Variants in ADGRL3 observed in about 807,000 individuals in gnomAD.
The protein encoded by ADGRL3 is adhesion G protein-coupled receptor L3, also known as calcium-independent alpha-latrotoxin receptor 3.
Under a neutral mutation model 153.5 loss-of-function variants are expected in ADGRL3, and 62 were observed. The observed-to-expected ratio is 0.40, with a 90% confidence interval of 0.33 to 0.50. The LOEUF is 0.50. Ranked by LOEUF, ADGRL3 falls within the 20% of genes least tolerant of loss-of-function variation. The probability of loss-of-function intolerance (pLI) is 0.47; values close to 1 mark genes in which losing one functional copy is unlikely to be tolerated. For synonymous variants in ADGRL3, 710 were observed against 672.5 expected, an observed-to-expected ratio of 1.06 and a Z score of -0.86; for missense variants, 1,641 against 1,859.4, an observed-to-expected ratio of 0.88 and a Z score of 2.16.
At position 61,409,404 on chromosome 4, in the gene ADGRL3, A is replaced by AATAT. The variant is rs10573056; in HGVS notation, c.-174+26228_-174+26231dup. 6.5e-3 allele frequency among the ~76,000 whole-genome samples: 892 copies of AATAT among 137,822 alleles called. 6 individuals are homozygous for AATAT. Among genetic ancestry groups the AATAT allele is most frequent in the Middle Eastern group, 0.024 (6 of 250 alleles). 90.4% of individuals were successfully genotyped at this position (137,822 alleles called of 152,430 possible). A position where few individuals can be genotyped will look rare whatever the true frequency, so the allele number is the denominator to read the frequency against. On this transcript the variant is annotated intron_variant, in intron 2 of 26. Transcript: ENST00000683033. ...TATTATATATATATTAGACATACATAATATATATATATATATTATATATAT... is the reference window on the plus strand; with the variant it reads ...TATTATATATATATTAGACATACATAATATATATATATATATATATTATATATAT...
chr4:61,254,747 A>G (rs1037978689), intron 1 of ADGRL3, among the ~76,000 whole-genome samples: 1 of 152,186 alleles, frequency 6.6e-6, no homozygotes, highest in African/African-American at 2.4e-5. Context: ...TCCTAAATTA[A>G]CATCAGGTTG....
chr4:61,712,967 G>T (rs1161839207), intron 6 of ADGRL3, among the ~76,000 whole-genome samples: 1 of 152,136 alleles, frequency 6.6e-6, no homozygotes, highest in Non-Finnish European at 1.5e-5. Context: ...AAACATGGGG[G>T]TATGAGTGGC....
intron 2 of ADGRL3, among the ~76,000 whole-genome samples, chr4:61,412,418 C>A (rs1423005059): frequency 1.3e-5 from 2 of 152,164 alleles, no homozygotes; most frequent in Non-Finnish European, 2.9e-5. Flanking sequence ...ACAGATACTA[C>A]AGTTTCAATT....
At chr4:61,228,531 G>A (rs1381827491) in intron 1 of ADGRL3, among the ~76,000 whole-genome samples, 1 of 152,122 alleles carries the variant, frequency 6.6e-6, no homozygotes, top group Non-Finnish European at 1.5e-5. Flanking sequence ...AGTAGGAAGT[G>A]CTAAAATGTA....
Position 61,676,340 on chromosome 4 carries a change from T to A in ADGRL3, c.474-486T>A, listed in dbSNP as rs184455412. On this transcript the variant is annotated intron_variant, in intron 5 of 26. Coordinates refer to ENST00000683033, the MANE Select transcript of ADGRL3 (RefSeq NM_001387552.1). ...CATTTAAATATTAACTTTTTACTAA[T>A]TTGTTAGGCTCAGATAAAGCTTTTC... Among the ~76,000 whole-genome samples, 7 of 152,120 alleles carry A rather than the reference T, an allele frequency of 4.6e-5. No homozygotes were observed. The East Asian group carries it at 1.2e-3, about 25-fold the overall frequency.
intron 8 of ADGRL3, among the ~76,000 whole-genome samples, chr4:61,786,156 C>T (rs954713102): frequency 1.3e-5 from 2 of 152,212 alleles, no homozygotes; most frequent in African/African-American, 4.8e-5. Flanking sequence ...ATACATTCTA[C>T]ATTCATGCTA....
chr4:61,753,038 C>G (rs1270175634), intron 8 of ADGRL3, among the ~76,000 whole-genome samples: 2 of 151,936 alleles, frequency 1.3e-5, no homozygotes, highest in Admixed American at 1.3e-4. Flanking sequence ...GTTTTACAGT[C>G]CAAAAACTGA....
In ADGRL3 at chr4:61,645,675, C is replaced by T. The variant is rs1218872872; in HGVS notation, c.474-31151C>T. On this transcript the variant is annotated intron_variant, in intron 5 of 26. Transcript: ENST00000683033. ...GATCCACTGTTAGTCTGATGGGCTT[C>T]CCTTTGAGGGTAACCCGACCTTTCT... Among the ~76,000 whole-genome samples, 10 of 152,032 alleles carry T rather than the reference C, an allele frequency of 6.6e-5. 1 individual carries two copies. Among genetic ancestry groups the T allele is most frequent in the African/African-American group, 2.2e-4 (9 of 41,386 alleles).
At chr4:61,987,120 TTTTATTTTATTTTATTTTATTTTATTTTA>T (rs1461569803) in intron 19 of ADGRL3, among the ~76,000 whole-genome samples, 4 of 141,636 alleles carry the variant, frequency 2.8e-5, no homozygotes, top group Non-Finnish European at 6.0e-5. Context: ...TTTTATTTTA[TTTTATTTTATTTTATTTTATTTTATTTTA>T]TTTATTTTAT....
chr4:61,862,466 A>G (rs1378169471), intron 9 of ADGRL3, among the ~76,000 whole-genome samples: 1 of 152,124 alleles, frequency 6.6e-6, no homozygotes, highest in Non-Finnish European at 1.5e-5. Context: ...AGTTCAGGAG[A>G]GAAGGAGATG....
At chr4:61,473,416 TC>T (rs2097995052) in intron 2 of ADGRL3, among the ~76,000 whole-genome samples, 2 of 152,072 alleles carry the variant, frequency 1.3e-5, no homozygotes, top group African/African-American at 4.8e-5. Flanking sequence ...AAGCAGTTTT[TC>T]CTTCAGTTAT....
chr4:61,455,475 T>A (rs756285594), intron 2 of ADGRL3, among the ~76,000 whole-genome samples: 13 of 152,230 alleles, frequency 8.5e-5, no homozygotes, highest in Non-Finnish European at 1.3e-4. Flanking sequence ...TCAAGAAGTT[T>A]CCTCAGAATT....
rs1270521085 is a variant in ADGRL3 at position 61,936,177 on chromosome 4, C to CCTCCTCTTCCTCCTCTTTCTA, written c.2419+135_2419+155dup. 8 of 860,034 alleles carry CCTCCTCTTCCTCCTCTTTCTA rather than the reference C, an allele frequency of 9.3e-6. No individual in the cohort carries two copies. The African/African-American group carries it at 1.2e-4, about 13-fold the overall frequency. 53.3% of individuals were successfully genotyped at this position (860,034 alleles called of 1,614,324 possible). A position where few individuals can be genotyped will look rare whatever the true frequency, so the allele number is the denominator to read the frequency against. ...CCTCTTCCTACACTATTCTCTTTCT[C>CCTCCTCTTCCTCCTCTTTCTA]CTCCTCTTCCTCCTCTTTCTACTGT... On this transcript the variant is annotated intron_variant, in intron 15 of 26. Transcript: ENST00000683033.
chr4:62,015,520 G>T (rs1243276906), intron 21 of ADGRL3, among the ~76,000 whole-genome samples: 1 of 152,046 alleles, frequency 6.6e-6, no homozygotes, highest in Non-Finnish European at 1.5e-5. Flanking sequence ...TGACTCAAAA[G>T]GTAGCACATT....
chr4:61,563,780 C>A (rs913574888), intron 4 of ADGRL3, among the ~76,000 whole-genome samples: 1 of 152,034 alleles, frequency 6.6e-6, no homozygotes, highest in Non-Finnish European at 1.5e-5. Context: ...GAGGTCGAGG[C>A]GGGCAGATCA....
intron 15 of ADGRL3, among the ~76,000 whole-genome samples, chr4:61,938,401 T>C (rs182243753): frequency 3.3e-5 from 5 of 152,314 alleles, no homozygotes; most frequent in African/African-American, 1.2e-4. Flanking sequence ...TTAACACTTG[T>C]AGATTAGATA....
chr4:61,857,688 T>G (rs966868660), intron 9 of ADGRL3, among the ~76,000 whole-genome samples: 1 of 150,730 alleles, frequency 6.6e-6, no homozygotes, highest in African/African-American at 2.5e-5. Context: ...TCTTCCTTCC[T>G]TTCTTCCTTC....
At chr4:61,363,336 G>A (rs2096325668) in intron 1 of ADGRL3, among the ~76,000 whole-genome samples, 1 of 133,046 alleles carries the variant, frequency 7.5e-6, no homozygotes, top group Non-Finnish European at 1.7e-5. Flanking sequence ...GTAAAAGCCG[G>A]TAATTTTTTT....
intron 21 of ADGRL3, among the ~76,000 whole-genome samples, chr4:62,019,388 G>T (rs1000896150): frequency 1.1e-4 from 16 of 152,118 alleles, no homozygotes; most frequent in African/African-American, 2.9e-4. Context: ...ATTATCATCA[G>T]AGAGTAAACT....
Sources: allele counts gnomAD v4.1 joint callset (sites outside exome capture counted in the v4.1 genomes callset), GRCh38; gene constraint gnomAD v4.1.1; transcripts MANE v1.5; gene names NCBI Gene and HGNC (gene_info 2026-07-23, HGNC 2026-07-21).